The following IGSF9B variants were observed in gnomAD, a reference collection of about 807,000 sequenced individuals.
IGSF9B encodes immunoglobulin superfamily member 9B, also known as protein turtle homolog B.
IGSF9B carries 48 observed loss-of-function variants against 143.7 expected under a neutral mutation model. The observed-to-expected ratio is 0.33, with a 90% confidence interval of 0.26 to 0.42. The LOEUF (loss-of-function observed/expected upper bound fraction) is 0.42, where lower values mean the gene tolerates loss of function less well. Among genes scored for constraint, IGSF9B ranks in the 20% least tolerant of loss-of-function variants. The pLI is 1.00. For missense variants in IGSF9B, 1,706 were observed against 1,980.0 expected (o/e 0.86, Z 2.63); for synonymous variants, 903 against 833.1 (o/e 1.08, Z -1.44).
intron 3 of IGSF9B, 63 bp downstream of exon 3, chr11:133,944,157 C>G: frequency 6.6e-7 from 1 of 1,521,364 alleles, no homozygotes; most frequent in Admixed American, 2.0e-5. Context: ...CAGGCCCACC[C>G]CGGAAACAGC....
At chr11:133,942,176 G>A (rs1939965176) in intron 3 of IGSF9B, among the ~76,000 whole-genome samples, 1 of 152,050 alleles carries the variant, frequency 6.6e-6, no homozygotes, top group African/African-American at 2.4e-5. Context: ...GAAGGAGGAT[G>A]GCCAGCATCT....
chr11:133,956,521 C>T (rs1348681341), intron 1 of IGSF9B, among the ~76,000 whole-genome samples, 170 bp downstream of exon 1: 1 of 9,514 alleles, frequency 1.1e-4, no homozygotes, highest in South Asian at 7.8e-3. Flanking sequence ...CCCTCCCCGG[C>T]AATGCTCCCG....
intron 1 of IGSF9B, among the ~76,000 whole-genome samples, chr11:133,955,715 C>T (rs1940238437): frequency 6.6e-6 from 1 of 152,228 alleles, no homozygotes; most frequent in Non-Finnish European, 1.5e-5. Context: ...GCCGGGGGTG[C>T]CACCCAGAGG....
chr11:133,925,860 G>A lies in IGSF9B; in HGVS notation c.1913C>T (p.Ala638Val), dbSNP rs1331240078. 29 of 1,613,534 alleles carry A rather than the reference G, an allele frequency of 1.8e-5. No individual in the cohort carries two copies. The highest frequency in any genetic ancestry group is 4.0e-5 in the African/African-American group (3 of 74,946). ...QGVLLSWLPP[A>V]NHSFPIDRYI... ...GCGGTCGATGGGAAAGCTGTGGTTG[G>A]CAGGCGGAAGCCAGGACAGGAGCAC... is the stretch of plus-strand genomic sequence containing the variant. The change falls in exon 14 of 20, where the codon GCC (alanine) becomes GTC (valine). Residue 638 changes from alanine to valine, a missense_variant. By Grantham distance (64) the Ala-to-Val change is moderately conservative. This residue lies in a region of IGSF9B where 267 missense variants were observed against 321.1 expected (regional missense o/e 0.83). Transcript: ENST00000533871.
intron 1 of IGSF9B, among the ~76,000 whole-genome samples, chr11:133,952,600 G>A (rs1261230642): frequency 1.3e-5 from 2 of 152,100 alleles, no homozygotes; most frequent in Admixed American, 6.5e-5. Context: ...TCACATGTAT[G>A]TGCACACAGG....
In IGSF9B at chr11:133,921,342, C is replaced by G. The variant is rs1778839530; in HGVS notation, c.2383G>C (p.Glu795Gln). 1 of 1,585,154 alleles carries G rather than the reference C, an allele frequency of 6.3e-7. No homozygotes were observed. Among genetic ancestry groups the G allele is most frequent in the African/African-American group, 1.3e-5 (1 of 74,132 alleles). The change falls in exon 18 of 20, where the codon GAA becomes CAA. Residue 795 changes from glutamate to glutamine, a missense_variant. By Grantham distance (29) the Glu-to-Gln change is conservative. Around this residue, in one of 7 missense-constraint regions of IGSF9B, gnomAD observed 135 missense variants for 181.3 expected, o/e 0.74. Coordinates refer to ENST00000533871, the MANE Select transcript of IGSF9B (RefSeq NM_001277285.4). ...GGCTGGCCCTGGTCGTCGGAGGATT[C>G]TGACGGCGCTCGGAGCGTGCGGATG... is the stretch of plus-strand genomic sequence containing the variant. ...ESIRTLRAPS[E>Q]SSDDQGQPAA...
In IGSF9B at chr11:133,907,470, G is replaced by T. The variant is rs1364609364; in HGVS notation, c.*1599C>A. ...CCCACCAAGACAGCAGCACCAAGAAGGAAATACTTCAAGGAACCTTCATTC... is the reference window on the plus strand; with the variant it reads ...CCCACCAAGACAGCAGCACCAAGAATGAAATACTTCAAGGAACCTTCATTC... On this transcript the variant is annotated 3_prime_UTR_variant, in exon 20 of 20. Transcript: ENST00000533871. Among the ~76,000 whole-genome samples the T allele has an allele frequency of 6.6e-6, 1 of 152,124 alleles. No homozygotes were observed. Among genetic ancestry groups the T allele is most frequent in the Non-Finnish European group, 1.5e-5 (1 of 68,030 alleles).
At chr11:133,918,962 G>A (rs1939449732) in intron 18 of IGSF9B, 1 of 469,058 alleles carries the variant, frequency 2.1e-6, no homozygotes, top group South Asian at 1.5e-5. Context: ...AGGAGGAGCG[G>A]GGACGGCAGG....
chr11:133,922,090 C>A, intron 17 of IGSF9B, 87 bp downstream of exon 17: 1 of 1,123,426 alleles, frequency 8.9e-7, no homozygotes. Flanking sequence ...CTTAGAAACA[C>A]TAACATGGGG....
rs1939154974 is a variant in IGSF9B at position 133,902,554 on chromosome 11, T to TAAACACACACACCCCACAC, written c.*6514_*6515insGTGTGGGGTGTGTGTGTTT. ...ACACACATATACCACACACACCACA[T>TAAACACACACACCCCACAC]ACACACACACACCCCACACACACAC... On this transcript the variant is annotated 3_prime_UTR_variant, in exon 20 of 20. Coordinates refer to ENST00000533871, the MANE Select transcript of IGSF9B (RefSeq NM_001277285.4). 9.1e-6 allele frequency among the ~76,000 whole-genome samples: 1 copy of TAAACACACACACCCCACAC among 110,300 alleles called. No homozygotes were observed. Among genetic ancestry groups the TAAACACACACACCCCACAC allele is most frequent in the Non-Finnish European group, 1.9e-5 (1 of 53,040 alleles). The allele number at this position is 110,300 out of a possible 152,430, so 72.4% of individuals were successfully genotyped here. A position where few individuals can be genotyped will look rare whatever the true frequency, so the allele number is the denominator to read the frequency against.
intron 13 of IGSF9B, 30 bp downstream of exon 13, chr11:133,926,886 C>T (rs751358846): frequency 4.4e-5 from 68 of 1,543,836 alleles, no homozygotes; most frequent in Admixed American, 3.9e-4. Context: ...CTACAACCCC[C>T]GCTCCCAACA....
rs950975287 is a variant in IGSF9B, at chr11:133,945,545, C to A, written c.262+516G>T. On this transcript the variant is annotated intron_variant, in intron 2 of 19. Transcript: ENST00000533871. The surrounding 1 kb of genome is among the most constrained non-coding windows in gnomAD (Gnocchi z 4.6). ...GCGGCAGTGAGTCACGAGGCCTTTGCTGGCAGGAGTAACTGCCAAACAGGA... is the reference window on the plus strand; with the variant it reads ...GCGGCAGTGAGTCACGAGGCCTTTGATGGCAGGAGTAACTGCCAAACAGGA... Among the ~76,000 whole-genome samples, 4 of 152,198 alleles carry A rather than the reference C, an allele frequency of 2.6e-5. No individual in the cohort carries two copies. Among genetic ancestry groups the A allele is most frequent in the African/African-American group, 9.6e-5 (4 of 41,462 alleles).
Position 133,905,751 on chromosome 11 carries a change from C to T in IGSF9B, c.*3318G>A, listed in dbSNP as rs992308093. Among the ~76,000 whole-genome samples, 1 of 152,216 alleles carries T rather than the reference C, an allele frequency of 6.6e-6. No individual in the cohort carries two copies. The highest frequency in any genetic ancestry group is 1.5e-5 in the Non-Finnish European group (1 of 68,042). On this transcript the variant is annotated 3_prime_UTR_variant, in exon 20 of 20. Transcript: ENST00000533871. The surrounding 1 kb of genome is among the most constrained non-coding windows in gnomAD (Gnocchi z 4.0). ...TCCAGGGAAGCTGCTTAGAGGCAGA[C>T]TGGCAGCAGGCAGGGCCACTCCCAG...
At position 133,931,758 on chromosome 11, in the gene IGSF9B, C is replaced by T. The variant is rs769080055; in HGVS notation, c.1148G>A (p.Arg383Gln). The change falls in exon 9 of 20, where the codon CGA (arginine) becomes CAA (glutamine). Residue 383 changes from arginine (R) to glutamine (Q), a missense_variant. Physicochemically the swap from Arg to Gln is conservative, Grantham distance 43 (BLOSUM62 1). This residue lies in a region of IGSF9B where 238 missense variants were observed against 452.6 expected (regional missense o/e 0.53). Transcript: ENST00000533871. The surrounding 1 kb of genome is among the most constrained non-coding windows in gnomAD (Gnocchi z 7.7). The part of the protein sequence containing the change: ...GWTLMEDGSI[R>Q]IEEATEEALG... ...AGCCTCCTCTGTGGCCTCCTCAATT[C>T]GAATGGAGCCATCCTCCATCAGGGT... 2.5e-6 allele frequency: 4 copies of T among 1,612,056 alleles called. No individual in the cohort carries two copies. The highest frequency in any genetic ancestry group is 3.4e-6 in the Non-Finnish European group (4 of 1,179,346).
In IGSF9B at chr11:133,921,038, T is replaced by A. The variant is rs1173518943; in HGVS notation, c.2687A>T (p.Asn896Ile). ...YPEFRQSDEE[N>I]EDPLVPTSVA... Reference sequence around the variant, plus strand: ...AGATGTGGGCACCAGTGGGTCCTCGTTCTCCTCGTCCGACTGGCGGAACTC... The same window carrying A: ...AGATGTGGGCACCAGTGGGTCCTCGATCTCCTCGTCCGACTGGCGGAACTC... The change falls in exon 18 of 20, where the codon AAC (asparagine) becomes ATC (isoleucine). Residue 896 changes from asparagine (N) to isoleucine (I), a missense_variant. Coordinates refer to ENST00000533871, the MANE Select transcript of IGSF9B (RefSeq NM_001277285.4). The A allele has an allele frequency of 6.2e-7, 1 of 1,613,746 alleles. No individual in the cohort carries two copies. The highest frequency in any genetic ancestry group is 1.7e-5 in the Admixed American group (1 of 60,020).
rs1565410010 is a variant in IGSF9B at position 133,902,554 on chromosome 11, T to TACACACACACACCCCACAC, written c.*6496_*6514dup. Among the ~76,000 whole-genome samples, 11 of 110,394 alleles carry TACACACACACACCCCACAC rather than the reference T, an allele frequency of 1.0e-4. No homozygotes were observed. The South Asian group carries it at 3.7e-3, about 37-fold the overall frequency. 72.4% of individuals were successfully genotyped at this position (110,394 alleles called of 152,430 possible). On this transcript the variant is annotated 3_prime_UTR_variant, in exon 20 of 20. Coordinates refer to ENST00000533871, the MANE Select transcript of IGSF9B (RefSeq NM_001277285.4). ...ACACACATATACCACACACACCACA[T>TACACACACACACCCCACAC]ACACACACACACCCCACACACACAC...
chr11:133,908,813 G>T lies in IGSF9B; in HGVS notation c.*256C>A. The T allele has an allele frequency of 2.2e-6, 1 of 446,176 alleles. No individual in the cohort carries two copies. The highest frequency in any genetic ancestry group is 4.0e-6 in the Non-Finnish European group (1 of 249,224). 27.6% of individuals were successfully genotyped at this position (446,176 alleles called of 1,614,324 possible). A position where few individuals can be genotyped will look rare whatever the true frequency, so the allele number is the denominator to read the frequency against. ...TCAACCTAGTGAAGCAGGGGGCGGA[G>T]GGGAGGAGACAGGTGTTGCCCAGTC... On this transcript the variant is annotated 3_prime_UTR_variant, in exon 20 of 20. Transcript: ENST00000533871.
At chr11:133,941,177 A>G (rs12804787) in intron 3 of IGSF9B, among the ~76,000 whole-genome samples, 7,058 of 152,346 alleles carry the variant, frequency 0.046, 239 homozygotes, top group Non-Finnish European at 0.073. Context: ...ACGGAACTAG[A>G]TGTCAGCTTG....
chr11:133,941,179 G>A (rs890623139), intron 3 of IGSF9B, among the ~76,000 whole-genome samples: 1 of 152,208 alleles, frequency 6.6e-6, no homozygotes, highest in Non-Finnish European at 1.5e-5. Context: ...GGAACTAGAT[G>A]TCAGCTTGCC....
Sources: gnomAD v4.1 joint callset for allele counts (sites outside exome capture counted in the v4.1 genomes callset) on GRCh38, gnomAD v4.1.1 for gene constraint, gnomAD v4.1.1 regional missense constraint, Gnocchi (gnomAD v3.1) non-coding constraint, MANE v1.5 for transcripts, NCBI Gene and HGNC (gene_info 2026-07-23, HGNC 2026-07-21) for gene names.